ERO1B: variants seen among roughly 807,000 people sequenced by gnomAD.
ERO1B encodes the protein endoplasmic reticulum oxidoreductase 1 beta, also known as ERO1-like protein beta.
ERO1B carries 49 observed loss-of-function variants against 75.3 expected under a neutral mutation model. The observed-to-expected ratio is 0.65, with a 90% CI of 0.52 to 0.83. ERO1B has a LOEUF of 0.83. ERO1B is among the 40% of genes least tolerant of loss of function. The pLI is 0.00. For synonymous variants in ERO1B, 191 were observed against 192.9 expected (o/e 0.99, Z 0.08); for missense variants, 512 against 560.1 (o/e 0.91, Z 0.87).
chr1:236,215,975 C>T lies in ERO1B; in HGVS notation c.*2541G>A, dbSNP rs538665014. 8.0e-5 allele frequency: 12 copies of T among 149,952 alleles called. No homozygotes were observed. The highest frequency in any genetic ancestry group is 6.6e-4 in the Admixed American group (10 of 15,058). The allele number at this position is 149,952 out of a possible 1,614,324, so 9.3% of individuals were successfully genotyped here. On this transcript the variant is annotated 3_prime_UTR_variant, in exon 16 of 16. Transcript: ENST00000354619. ...CAATGTTAAAAATGTCAAAATAAAACGTTTTGACTTATCAAATTTCAAAAG... is the reference window on the plus strand; with the variant it reads ...CAATGTTAAAAATGTCAAAATAAAATGTTTTGACTTATCAAATTTCAAAAG...
chr1:236,225,927 T>C (rs1446273344), intron 12 of ERO1B, among the ~76,000 whole-genome samples: 1 of 152,198 alleles, frequency 6.6e-6, no homozygotes, highest in Non-Finnish European at 1.5e-5. Context: ...AGAGCAAGCC[T>C]CTGTCTCAAA....
chr1:236,233,335 G>T (rs1664461127), intron 8 of ERO1B, among the ~76,000 whole-genome samples: 1 of 150,788 alleles, frequency 6.6e-6, no homozygotes, highest in South Asian at 2.1e-4. Flanking sequence ...AAGAAGGCTG[G>T]GCACGGTGGC....
At chr1:236,223,764 A>C (rs1279495273) in intron 13 of ERO1B, among the ~76,000 whole-genome samples, 2 of 152,242 alleles carry the variant, frequency 1.3e-5, no homozygotes, top group African/African-American at 4.8e-5. Flanking sequence ...AAAGTAGAAC[A>C]TATGTGTTGA....
At chr1:236,263,350 A>G (rs1726668) in intron 2 of ERO1B, among the ~76,000 whole-genome samples, 37,799 of 151,718 alleles carry the variant, frequency 0.25, 4,887 homozygotes, top group East Asian at 0.38. Flanking sequence ...CCAGGTTCAA[A>G]CGATTCTCCC....
chr1:236,280,852 C>T (rs998377071), intron 1 of ERO1B, among the ~76,000 whole-genome samples: 3 of 152,196 alleles, frequency 2.0e-5, no homozygotes, highest in Admixed American at 1.3e-4. Flanking sequence ...AGACAACAAG[C>T]AGCAGCACCT....
chr1:236,268,288 A>C lies in ERO1B; in HGVS notation c.222+1587T>G, dbSNP rs1665498188. 2.6e-5 allele frequency among the ~76,000 whole-genome samples: 4 copies of C among 152,330 alleles called. No individual in the cohort carries two copies. In the South Asian group the frequency reaches 6.2e-4, roughly 24 times the overall value. The stretch of plus-strand genomic sequence containing the variant: ...AACCTCGTCTCTACTAAAAATACAA[A>C]AATTAGCCAGGCGTGGTGGTGGGCG... On this transcript the variant is annotated intron_variant, in intron 2 of 15. Coordinates refer to ENST00000354619, the MANE Select transcript of ERO1B (RefSeq NM_019891.4).
At chr1:236,220,025 T>A (rs1194859219) in intron 15 of ERO1B, 1 of 85,242 alleles carries the variant, frequency 1.2e-5, no homozygotes, top group African/African-American at 5.7e-5. Context: ...CCCTCATCTC[T>A]TTTAAAAAAA....
At chr1:236,272,047 CAAA>C (rs1163785539) in intron 1 of ERO1B, among the ~76,000 whole-genome samples, 1 of 151,634 alleles carries the variant, frequency 6.6e-6, no homozygotes, top group East Asian at 1.9e-4. Flanking sequence ...AAAAGTAAAA[CAAA>C]AAAACAGATG....
intron 1 of ERO1B, among the ~76,000 whole-genome samples, chr1:236,279,393 C>A (rs1467208642): frequency 1.3e-5 from 2 of 148,716 alleles, no homozygotes; most frequent in African/African-American, 5.0e-5. Flanking sequence ...GTCCCAGTTA[C>A]TCGGGAGGCT....
At chr1:236,230,943 A>T (rs1035613842) in intron 9 of ERO1B, among the ~76,000 whole-genome samples, 1 of 150,032 alleles carries the variant, frequency 6.7e-6, no homozygotes, top group Non-Finnish European at 1.5e-5. Flanking sequence ...AAAAAAAAAA[A>T]GTATATAAAT....
At chr1:236,222,101 TA>T (rs1254970534) in intron 13 of ERO1B, 91 bp from the exon 14 acceptor site, 1 of 944,792 alleles carries the variant, frequency 1.1e-6, no homozygotes, top group African/African-American at 1.7e-5. Flanking sequence ...TGCTTATTAA[TA>T]AATCAGTTGT....
chr1:236,270,128 G>T, intron 1 of ERO1B, 134 bp from the exon 2 acceptor site: 1 of 599,526 alleles, frequency 1.7e-6, no homozygotes, highest in South Asian at 3.5e-5. Context: ...CATTAAAGCA[G>T]TCAACTTACT....
At chr1:236,234,442 G>T (rs1664489363) in intron 8 of ERO1B, among the ~76,000 whole-genome samples, 1 of 152,204 alleles carries the variant, frequency 6.6e-6, no homozygotes, top group African/African-American at 2.4e-5. Flanking sequence ...TGGAATAGAA[G>T]AGCTTTCCCT....
intron 5 of ERO1B, among the ~76,000 whole-genome samples, chr1:236,249,333 A>T (rs529093971): frequency 6.6e-6 from 1 of 152,188 alleles, no homozygotes; most frequent in South Asian, 2.1e-4. Flanking sequence ...GCTCATAAAT[A>T]CAAACCTAAT....
chr1:236,265,937 C>T (rs1665424383), intron 2 of ERO1B, among the ~76,000 whole-genome samples: 1 of 152,176 alleles, frequency 6.6e-6, no homozygotes, highest in South Asian at 2.1e-4. Context: ...GCATAAATAC[C>T]TTATTTTCCC....
At chr1:236,235,886 T>C (rs751925903) in intron 7 of ERO1B, 51 bp from the exon 8 acceptor site, 4 of 1,497,798 alleles carry the variant, frequency 2.7e-6, no homozygotes, top group East Asian at 2.3e-5. Flanking sequence ...ACTTTTATAG[T>C]GTATAATTTT....
intron 5 of ERO1B, among the ~76,000 whole-genome samples, chr1:236,248,694 A>G (rs1385145908): frequency 6.6e-6 from 1 of 152,180 alleles, no homozygotes; most frequent in Non-Finnish European, 1.5e-5. Flanking sequence ...TATACACAAA[A>G]TAAAACTATC....
At chr1:236,222,465 C>A (rs756590604) in intron 13 of ERO1B, among the ~76,000 whole-genome samples, 21 of 152,102 alleles carry the variant, frequency 1.4e-4, no homozygotes, top group Non-Finnish European at 1.5e-4. Flanking sequence ...TATACTATAA[C>A]ATGGTACATA....
intron 4 of ERO1B, among the ~76,000 whole-genome samples, chr1:236,250,326 C>T (rs991020908): frequency 1.3e-5 from 2 of 151,550 alleles, no homozygotes; most frequent in African/African-American, 4.9e-5. Flanking sequence ...AAAAATTATC[C>T]AAGTGTGGTG....
Sources: allele counts gnomAD v4.1 joint callset (sites outside exome capture counted in the v4.1 genomes callset), GRCh38; gene constraint gnomAD v4.1.1; transcripts MANE v1.5; gene names NCBI Gene and HGNC (gene_info 2026-07-23, HGNC 2026-07-21).